The following JAK3 variants were observed in gnomAD, a reference collection of about 807,000 sequenced individuals.
JAK3 encodes Janus kinase 3.
A neutral mutation model predicts 120.8 loss-of-function variants in JAK3; 88 were observed. The observed-to-expected ratio is 0.73, with a 90% CI of 0.61 to 0.87. JAK3 has a LOEUF of 0.87. JAK3 is among the 40% of genes least tolerant of loss of function. The pLI is 0.00. For missense variants in JAK3, 1,254 were observed against 1,501.4 expected (o/e 0.84, Z 2.72); for synonymous variants, 592 against 628.6 (o/e 0.94, Z 0.87).
At chr19:17,835,281 C>T in intron 14 of JAK3, 66 bp from the exon 15 acceptor site, 1 of 1,579,972 alleles carries the variant, frequency 6.3e-7, no homozygotes, top group East Asian at 2.3e-5. Flanking sequence ...GTTTGGCAAA[C>T]TCCTATACAT....
chr19:17,834,995 C>T lies in JAK3; in HGVS notation c.2056G>A (p.Asp686Asn), dbSNP rs750102955. 1.9e-6 allele frequency: 3 copies of T among 1,613,988 alleles called. No individual in the cohort carries two copies. Among genetic ancestry groups the T allele is most frequent in the South Asian group, 1.1e-5 (1 of 91,082 alleles). The change falls in exon 16 of 24, where the codon GAC (aspartate) becomes AAC (asparagine). Residue 686 changes from aspartate (D) to asparagine (N), a missense_variant. Around this residue, in one of 3 missense-constraint regions of JAK3, gnomAD observed 630 missense variants for 819.8 expected, o/e 0.77. Transcript: ENST00000458235. ...PAVLSLEMLT[D>N]RIPWVAPECL... is the part of the protein sequence containing the mutation. ...TCGGGGGCCACCCAGGGGATCCTGTCGGTGAGCACTGAGGGAATGAAAGTG... is the reference window on the plus strand; with the variant it reads ...TCGGGGGCCACCCAGGGGATCCTGTTGGTGAGCACTGAGGGAATGAAAGTG...
intron 2 of JAK3, 114 bp downstream of exon 2, chr19:17,844,120 C>A: frequency 7.8e-7 from 1 of 1,277,818 alleles, no homozygotes; most frequent in Non-Finnish European, 1.1e-6. Flanking sequence ...CCTACTCATC[C>A]CCCAAAGCCC....
At position 17,825,401 on chromosome 19, in the gene JAK3, T is replaced by C. The variant is rs1391850499; in HGVS notation, c.*1342A>G. 1.4e-5 allele frequency: 3 copies of C among 220,696 alleles called. No individual in the cohort carries two copies. Among genetic ancestry groups the C allele is most frequent in the East Asian group, 1.3e-4 (2 of 15,190 alleles). The allele number at this position is 220,696 out of a possible 1,614,324, so 13.7% of individuals were successfully genotyped here. On this transcript the variant is annotated 3_prime_UTR_variant, in exon 24 of 24. Coordinates refer to ENST00000458235, the MANE Select transcript of JAK3 (RefSeq NM_000215.4). Reference sequence around the variant, plus strand: ...TAGGGTGAGGACAGAAAGGGTCCCATTGGACAGGTGGGAAAACTGAAGCCC... The same window carrying C: ...TAGGGTGAGGACAGAAAGGGTCCCACTGGACAGGTGGGAAAACTGAAGCCC...
intron 1 of JAK3, among the ~76,000 whole-genome samples, chr19:17,846,611 G>A (rs945548159): frequency 2.6e-5 from 4 of 152,212 alleles, no homozygotes; most frequent in Admixed American, 2.0e-4. Flanking sequence ...TTGAGACGGA[G>A]TCTCGCACTG....
At chr19:17,846,034 T>C (rs921308272) in intron 1 of JAK3, among the ~76,000 whole-genome samples, 2 of 152,026 alleles carry the variant, frequency 1.3e-5, no homozygotes, top group Admixed American at 6.6e-5. Context: ...GCGAGGCTGG[T>C]CTGGAACTCC....
In JAK3 at chr19:17,842,363, G is replaced by A; in HGVS notation, c.814C>T (p.Arg272Cys). 2 of 1,590,220 alleles carry A rather than the reference G, an allele frequency of 1.3e-6. No individual in the cohort carries two copies. Among genetic ancestry groups the A allele is most frequent in the South Asian group, 1.1e-5 (1 of 88,822 alleles). ...GCGATGCCGCCGTCACCAGCCACGC[G>A]GAGCAGCCCCAGCCCGTCGTGGCCA... ...LGGHDGLGLL[R>C]VAGDGGIAWT... Residue 272 changes from arginine (R) to cysteine (C), a missense_variant, in exon 6 of 24, where the codon CGC becomes TGC. Transcript: ENST00000458235. The surrounding 1 kb of genome is among the most constrained non-coding windows in gnomAD (Gnocchi z 6.4).
Position 17,826,779 on chromosome 19 carries a change from G to C in JAK3, c.3339C>G (p.His1113Gln). 1 of 1,614,118 alleles carries C rather than the reference G, an allele frequency of 6.2e-7. No homozygotes were observed. Among genetic ancestry groups the C allele is most frequent in the Non-Finnish European group, 8.5e-7 (1 of 1,179,978 alleles). ...ACAGGGAGTGGTGTTTGCCCTCTGGGTGAGCAGTGAAGGCATGAGTCTCAC... is the reference window on the plus strand; with the variant it reads ...ACAGGGAGTGGTGTTTGCCCTCTGGCTGAGCAGTGAAGGCATGAGTCTCAC... ...RGCETHAFTA[H>Q]PEGKHHSLSF... Residue 1113 changes from histidine to glutamine, a missense_variant, in exon 24 of 24, where the codon CAC becomes CAG. Transcript: ENST00000458235.
chr19:17,847,662 C>T (rs1017997795), intron 1 of JAK3, among the ~76,000 whole-genome samples: 1 of 152,164 alleles, frequency 6.6e-6, no homozygotes, highest in South Asian at 2.1e-4. Flanking sequence ...TTCCCAATCC[C>T]TCCTCCCCAC....
At position 17,842,418 on chromosome 19, in the gene JAK3, G is replaced by C; in HGVS notation, c.759C>G (p.Thr253=). 6.3e-7 allele frequency: 1 copy of C among 1,584,742 alleles called. No individual in the cohort carries two copies. The highest frequency in any genetic ancestry group is 1.1e-5 in the South Asian group (1 of 87,806). ...GGGCCCCAGGGAGGCCCACGTGGAA[G>C]GTCTCGGCGGCCCCGGCTGGATCCA... ...ERLDPAGAAE[T]FHVGLPGALG... is the part of the protein sequence containing the mutation. Residue 253 remains threonine, a synonymous_variant, in exon 6 of 24, where the codon ACC becomes ACG. Coordinates refer to ENST00000458235, the MANE Select transcript of JAK3 (RefSeq NM_000215.4). This position sits in a 1 kb window ranked among gnomAD's most constrained non-coding sequence, Gnocchi z 6.4.
At chr19:17,833,696 A>G (rs1234209190) in intron 17 of JAK3, among the ~76,000 whole-genome samples, 3 of 151,986 alleles carry the variant, frequency 2.0e-5, no homozygotes, top group Non-Finnish European at 4.4e-5. Context: ...ACTAAAAAAT[A>G]CAAAAATTTA....
rs542199073 is a variant in JAK3, at chr19:17,838,447, G to C, written c.1442-57C>G. ...AAATCAGAGGTGAAAAGTCCCCAAGGGTTAGCTAACTCATGCCTTAGTTTG... is the reference window on the plus strand; with the variant it reads ...AAATCAGAGGTGAAAAGTCCCCAAGCGTTAGCTAACTCATGCCTTAGTTTG... On this transcript the variant is annotated intron_variant, in intron 10 of 23. Coordinates refer to ENST00000458235, the MANE Select transcript of JAK3 (RefSeq NM_000215.4). The C allele has an allele frequency of 3.7e-6, 6 of 1,608,376 alleles. No individual in the cohort carries two copies. In the East Asian group the frequency reaches 6.7e-5, roughly 18 times the overall value.
intron 13 of JAK3, 142 bp downstream of exon 13, chr19:17,836,987 T>C: frequency 1.4e-6 from 1 of 704,052 alleles, no homozygotes; most frequent in East Asian, 2.7e-5. Context: ...GAGACATAAA[T>C]AAAGGGTAAT....
In JAK3 at chr19:17,827,378, G is replaced by A. The variant is rs3212793; in HGVS notation, c.3208-468C>T. Among the ~76,000 whole-genome samples the A allele has an allele frequency of 5.9e-4, 88 of 149,820 alleles. 1 individual carries two copies. In the South Asian group the frequency reaches 0.016, roughly 28 times the overall value. On this transcript the variant is annotated intron_variant, in intron 23 of 23. Transcript: ENST00000458235. The stretch of plus-strand genomic sequence containing the variant: ...ATTTATTTATTTGAGATAAAGTTTC[G>A]CTCTTGTTGCCCAGGCTGGAATGCA...
chr19:17,844,589 A>C (rs1180167478), intron 1 of JAK3, 159 bp from the exon 2 acceptor site: 7 of 637,340 alleles, frequency 1.1e-5, no homozygotes, highest in Non-Finnish European at 1.9e-5. Flanking sequence ...ACTTGAGGTC[A>C]GGAGTTTGAG....
In JAK3 at chr19:17,825,627, C is replaced by G. The variant is rs1156631625; in HGVS notation, c.*1116G>C. ...CATTTAAAGCTACATGAGGGCCGGG[C>G]GCAGTGGCTCATGCCTGTAATCCCA... On this transcript the variant is annotated 3_prime_UTR_variant, in exon 24 of 24. Transcript: ENST00000458235. 1 of 180,582 alleles carries G rather than the reference C, an allele frequency of 5.5e-6. No individual in the cohort carries two copies. Among genetic ancestry groups the G allele is most frequent in the East Asian group, 9.1e-5 (1 of 11,010 alleles). 11.2% of individuals were successfully genotyped at this position (180,582 alleles called of 1,614,324 possible). A position where few individuals can be genotyped will look rare whatever the true frequency, so the allele number is the denominator to read the frequency against.
intron 1 of JAK3, among the ~76,000 whole-genome samples, chr19:17,845,976 C>T (rs548335082): frequency 1.3e-5 from 2 of 152,080 alleles, no homozygotes; most frequent in Non-Finnish European, 2.9e-5. Context: ...CGCCACCATG[C>T]CCGGCTAATT....
chr19:17,844,501 G>T, intron 1 of JAK3, 71 bp from the exon 2 acceptor site: 1 of 1,401,904 alleles, frequency 7.1e-7, no homozygotes. Flanking sequence ...GGGAGGGCAT[G>T]GAAAGGAGTG....
rs2094223585 is a variant in JAK3 at position 17,836,053 on chromosome 19, T to C, written c.1787-2A>G. 2 of 1,612,628 alleles carry C rather than the reference T, an allele frequency of 1.2e-6. No individual in the cohort carries two copies. Among genetic ancestry groups the C allele is most frequent in the Non-Finnish European group, 1.7e-6 (2 of 1,180,000 alleles). ...GTACAAATTCCTGCACCATGGTGCC[T>C]GGTTGGCAGCAGGGAGAGGCGGGGT... On this transcript the variant is annotated splice_acceptor_variant, in intron 13 of 23. Coordinates refer to ENST00000458235, the MANE Select transcript of JAK3 (RefSeq NM_000215.4). LOFTEE classifies it high-confidence loss of function.
Position 17,831,375 on chromosome 19 carries a change from C to T in JAK3, c.2831G>A (p.Arg944His), listed in dbSNP as rs2147676011. ...CKGMEYLGSR[R>H]CVHRDLAARN... ...GGCGGCCAGGTCGCGGTGCACGCAG[C>T]GGCGGGAGCCCAGGTACTCCATGCC... Residue 944 changes from arginine (R) to histidine (H), a missense_variant, in exon 21 of 24, where the codon CGC (arginine) becomes CAC (histidine). By Grantham distance (29) the Arg-to-His change is conservative (BLOSUM62 0). This residue lies in a region of JAK3 where 630 missense variants were observed against 819.8 expected (regional missense o/e 0.77). Coordinates refer to ENST00000458235, the MANE Select transcript of JAK3 (RefSeq NM_000215.4). The surrounding 1 kb of genome is among the most constrained non-coding windows in gnomAD (Gnocchi z 5.1). The T allele has an allele frequency of 6.2e-7, 1 of 1,606,506 alleles. No individual in the cohort carries two copies. The highest frequency in any genetic ancestry group is 8.5e-7 in the Non-Finnish European group (1 of 1,179,770).
Sources: gnomAD v4.1 joint callset for allele counts (sites outside exome capture counted in the v4.1 genomes callset) on GRCh38, gnomAD v4.1.1 for gene constraint, gnomAD v4.1.1 regional missense constraint, Gnocchi (gnomAD v3.1) non-coding constraint, MANE v1.5 for transcripts, NCBI Gene and HGNC (gene_info 2026-07-23, HGNC 2026-07-21) for gene names.